PLCXD3: variants seen among roughly 807,000 people sequenced by gnomAD.
PLCXD3 encodes the protein phosphatidylinositol specific phospholipase C X domain containing 3.
PLCXD3 carries 19 observed loss-of-function variants against 25.5 expected under a neutral mutation model. The observed-to-expected ratio is 0.75, with a 90% CI of 0.52 to 1.09. The LOEUF is 1.09. Among genes scored for constraint, PLCXD3 ranks in the 50% least tolerant of loss-of-function variants. The pLI is 0.00. For synonymous variants in PLCXD3, 174 were observed against 137.6 expected, an observed-to-expected ratio of 1.26 and a Z score of -1.85; for missense variants, 411 against 388.1, an observed-to-expected ratio of 1.06 and a Z score of -0.50.
chr5:41,463,828 C>T (rs1031584086), intron 1 of PLCXD3, among the ~76,000 whole-genome samples: 3 of 151,820 alleles, frequency 2.0e-5, no homozygotes, highest in African/African-American at 7.3e-5. Flanking sequence ...TCCTTGTTTC[C>T]TTCTTTTCTG....
chr5:41,381,018 T>A (rs1309573240), intron 2 of PLCXD3, among the ~76,000 whole-genome samples: 1 of 152,150 alleles, frequency 6.6e-6, no homozygotes, highest in Non-Finnish European at 1.5e-5. Flanking sequence ...ATAAAAGGCA[T>A]AGGATATAGT....
chr5:41,399,969 T>C (rs1746127315), intron 1 of PLCXD3, among the ~76,000 whole-genome samples: 1 of 151,984 alleles, frequency 6.6e-6, no homozygotes, highest in South Asian at 2.1e-4. Flanking sequence ...CCAGAATATA[T>C]AAGGAGCTCA....
chr5:41,382,095 T>C lies in PLCXD3; in HGVS notation c.543A>G (p.Leu181=). Residue 181 remains leucine (L), a synonymous_variant, in exon 2 of 3, where the codon TTA becomes TTG. Coordinates refer to ENST00000377801, the MANE Select transcript of PLCXD3 (RefSeq NM_001005473.3). ...GATAGTCCTTCTCCCACAGGTACTT[T>C]AAACTAACTTCCTGGGCAAAAATCG... ...CPAIFAQEVS[L]KYLWEKDYQV... is the part of the protein sequence containing the mutation. The C allele has an allele frequency of 5.6e-6, 9 of 1,613,714 alleles. No homozygotes were observed. Among genetic ancestry groups the C allele is most frequent in the Non-Finnish European group, 7.6e-6 (9 of 1,179,768 alleles).
intron 2 of PLCXD3, among the ~76,000 whole-genome samples, chr5:41,326,106 C>G (rs1743619793): frequency 6.6e-6 from 1 of 152,188 alleles, no homozygotes; most frequent in African/African-American, 2.4e-5. Context: ...GAGACACAAA[C>G]ATTTGGATCA....
intron 1 of PLCXD3, among the ~76,000 whole-genome samples, chr5:41,467,521 T>C (rs1300019374): frequency 6.6e-6 from 1 of 152,222 alleles, no homozygotes; most frequent in Non-Finnish European, 1.5e-5. Context: ...ACTTTGTTAT[T>C]TGTTTCCTCT....
chr5:41,426,009 T>C (rs2150507260), intron 1 of PLCXD3, among the ~76,000 whole-genome samples: 1 of 152,260 alleles, frequency 6.6e-6, no homozygotes, highest in East Asian at 1.9e-4. Flanking sequence ...AGAGTATGCT[T>C]AGTTTTGGGA....
intron 1 of PLCXD3, among the ~76,000 whole-genome samples, chr5:41,424,109 A>T (rs1367696563): frequency 2.0e-5 from 3 of 152,222 alleles, no homozygotes; most frequent in Non-Finnish European, 4.4e-5. Context: ...ACATCTCTCC[A>T]TTCCCCTTCC....
intron 2 of PLCXD3, among the ~76,000 whole-genome samples, chr5:41,322,863 A>T (rs1404963459): frequency 6.6e-6 from 1 of 152,036 alleles, no homozygotes; most frequent in Non-Finnish European, 1.5e-5. Flanking sequence ...AGTCCCAGCT[A>T]CTCAGGAGGC....
At chr5:41,475,704 A>G (rs1273306300) in intron 1 of PLCXD3, 1 of 534,764 alleles carries the variant, frequency 1.9e-6, no homozygotes. Context: ...GACCATCACT[A>G]CGACAGTTAC....
chr5:41,422,268 G>A (rs925242491), intron 1 of PLCXD3, among the ~76,000 whole-genome samples: 1 of 152,108 alleles, frequency 6.6e-6, no homozygotes, highest in Admixed American at 6.6e-5. Flanking sequence ...TATCAGTCCT[G>A]GAAATGGCTT....
At chr5:41,321,819 G>A (rs1334552886) in intron 2 of PLCXD3, among the ~76,000 whole-genome samples, 1 of 152,100 alleles carries the variant, frequency 6.6e-6, no homozygotes, top group African/African-American at 2.4e-5. Flanking sequence ...ACACACACTG[G>A]GGAAAAGACA....
intron 2 of PLCXD3, among the ~76,000 whole-genome samples, chr5:41,358,859 C>T (rs183758395): frequency 9.2e-5 from 14 of 152,266 alleles, no homozygotes; most frequent in Admixed American, 3.3e-4. Flanking sequence ...GGGTTTGTCA[C>T]ACATGGCTTT....
intron 1 of PLCXD3, among the ~76,000 whole-genome samples, chr5:41,447,507 G>A (rs978522460): frequency 1.3e-5 from 2 of 152,204 alleles, no homozygotes; most frequent in African/African-American, 4.8e-5. Flanking sequence ...GATTTGTTCA[G>A]AGAGACAGAA....
At chr5:41,358,371 T>C (rs781364754) in intron 2 of PLCXD3, among the ~76,000 whole-genome samples, 6 of 152,136 alleles carry the variant, frequency 3.9e-5, no homozygotes, top group Non-Finnish European at 7.4e-5. Context: ...ATAAGTTTTA[T>C]CGTAGTTTCT....
chr5:41,368,941 G>A (rs1745014945), intron 2 of PLCXD3, among the ~76,000 whole-genome samples: 1 of 152,140 alleles, frequency 6.6e-6, no homozygotes, highest in African/African-American at 2.4e-5. Flanking sequence ...AAATGTCGTT[G>A]CTCATGGTTT....
intron 1 of PLCXD3, among the ~76,000 whole-genome samples, chr5:41,437,512 A>T (rs1359470886): frequency 6.6e-6 from 1 of 152,222 alleles, no homozygotes; most frequent in Admixed American, 6.5e-5. Flanking sequence ...AAATAGAATG[A>T]TGAAAAGGAA....
chr5:41,450,948 G>A (rs1270013248), intron 1 of PLCXD3, among the ~76,000 whole-genome samples: 1 of 152,100 alleles, frequency 6.6e-6, no homozygotes, highest in African/African-American at 2.4e-5. Flanking sequence ...GATTATCAAA[G>A]TTGGAGGTTG....
At chr5:41,392,518 T>A (rs1745861101) in intron 1 of PLCXD3, among the ~76,000 whole-genome samples, 1 of 152,186 alleles carries the variant, frequency 6.6e-6, no homozygotes, top group Non-Finnish European at 1.5e-5. Context: ...GGGTGCTCCC[T>A]AAAGCAGATA....
At chr5:41,365,296 T>A (rs1041270590) in intron 2 of PLCXD3, among the ~76,000 whole-genome samples, 1 of 152,208 alleles carries the variant, frequency 6.6e-6, no homozygotes, top group Non-Finnish European at 1.5e-5. Context: ...TATATGGGCA[T>A]AAATTGCCAT....
Sources: gnomAD v4.1 joint callset for allele counts (sites outside exome capture counted in the v4.1 genomes callset) on GRCh38, gnomAD v4.1.1 for gene constraint, MANE v1.5 for transcripts, NCBI Gene and HGNC (gene_info 2026-07-23, HGNC 2026-07-21) for gene names.